CLUL1: variants seen among roughly 807,000 people sequenced by gnomAD.
CLUL1 encodes clusterin-like protein 1.
Under a neutral mutation model 49.4 loss-of-function variants are expected in CLUL1, and 43 were observed. The ratio of observed to expected loss-of-function variants is 0.87; its 90% CI spans 0.68 to 1.12. The LOEUF (loss-of-function observed/expected upper bound fraction) is 1.12. Ranked by LOEUF, CLUL1 falls within the 50% of genes most tolerant of loss-of-function variation. The pLI, the probability that CLUL1 is intolerant of heterozygous loss-of-function variation, is 0.00. For synonymous variants in CLUL1, 192 were observed against 184.9 expected (o/e 1.04, Z -0.31); for missense variants, 486 against 544.4 (o/e 0.89, Z 1.07).
At chr18:630,190 C>G (rs1359857831) in intron 6 of CLUL1, among the ~76,000 whole-genome samples, 2 of 152,184 alleles carry the variant, frequency 1.3e-5, no homozygotes, top group African/African-American at 2.4e-5. Context: ...CTCACTGCAA[C>G]CTCCACCTCC....
At chr18:604,782 C>T (rs993204662) in intron 1 of CLUL1, among the ~76,000 whole-genome samples, 1 of 152,162 alleles carries the variant, frequency 6.6e-6, no homozygotes, top group Non-Finnish European at 1.5e-5. Context: ...AAGGAAAGCT[C>T]TCAGGAAAGA....
chr18:610,077 C>T (rs2073088302), intron 2 of CLUL1, among the ~76,000 whole-genome samples: 1 of 123,290 alleles, frequency 8.1e-6, no homozygotes, highest in Non-Finnish European at 1.8e-5. Flanking sequence ...CGATTCATTC[C>T]TCTATGTTAT....
In CLUL1 at chr18:611,886, G is replaced by C. The variant is rs530540241; in HGVS notation, c.-14+4787G>C. 7.2e-5 allele frequency among the ~76,000 whole-genome samples: 11 copies of C among 152,014 alleles called. No homozygotes were observed. In the South Asian group the frequency reaches 2.3e-3, roughly 32 times the overall value. On this transcript the variant is annotated intron_variant, in intron 2 of 9. Transcript: ENST00000692774. ...GGGGGTTCCTGGAGCATGAGCAAAG[G>C]CCTGTGCCAGCCAATGGCCCCCACT... is the stretch of plus-strand genomic sequence containing the variant.
Position 649,879 on chromosome 18 carries a change from CTT to C in CLUL1, c.1398-5_1398-4del, listed in dbSNP as rs34918478. ...TTATTAGTATTTTGATCATTGCTGC[CTT>C]TTTTTTTTTTTTTAAGGTAAGAAGA... On this transcript the variant is annotated splice_polypyrimidine_tract_variant and intron_variant, in intron 9 of 9. Transcript: ENST00000692774. The C allele has an allele frequency of 0.018, 19,969 of 1,108,758 alleles. No homozygotes were observed. Among genetic ancestry groups the C allele is most frequent in the South Asian group, 0.022 (1,512 of 67,706 alleles). The allele number at this position is 1,108,758 out of a possible 1,614,324, so 68.7% of individuals were successfully genotyped here.
intron 7 of CLUL1, among the ~76,000 whole-genome samples, chr18:639,201 CG>C (rs2074254555): frequency 6.6e-6 from 1 of 150,756 alleles, no homozygotes; most frequent in Non-Finnish European, 1.5e-5. Context: ...CCAAGGCAGG[CG>C]GATCACGAGG....
chr18:617,520 G>A (rs2143993993), intron 2 of CLUL1, among the ~76,000 whole-genome samples: 1 of 151,494 alleles, frequency 6.6e-6, no homozygotes, highest in South Asian at 2.1e-4. Flanking sequence ...ACTTGAACCT[G>A]GGAGGTGGAG....
Position 645,813 on chromosome 18 carries a change from ATATATATATATATATATATATAT to A in CLUL1, c.1397+717_1397+739del, listed in dbSNP as rs1598451117. 4.2e-4 allele frequency among the ~76,000 whole-genome samples: 24 copies of A among 57,062 alleles called. 2 individuals are homozygous for A. Among genetic ancestry groups the A allele is most frequent in the South Asian group, 2.2e-3 (3 of 1,370 alleles). The allele number at this position is 57,062 out of a possible 152,430, so 37.4% of individuals were successfully genotyped here. A position where few individuals can be genotyped will look rare whatever the true frequency, so the allele number is the denominator to read the frequency against. ...TGTTTAAAAAAAAAAAAAAAAAAATATATATATATATATATATATATATATATATATATATATATGTTAAACAT... is the reference window on the plus strand; with the variant it reads ...TGTTTAAAAAAAAAAAAAAAAAAATAATATATATATATATATGTTAAACAT... On this transcript the variant is annotated intron_variant, in intron 9 of 9. Transcript: ENST00000692774.
At chr18:639,540 C>T (rs566883097) in intron 7 of CLUL1, among the ~76,000 whole-genome samples, 1 of 150,936 alleles carries the variant, frequency 6.6e-6, no homozygotes, top group East Asian at 2.0e-4. Context: ...CCAAGGCGGG[C>T]AATCACTTAA....
At chr18:645,675 T>C (rs913627551) in intron 9 of CLUL1, among the ~76,000 whole-genome samples, 1 of 148,402 alleles carries the variant, frequency 6.7e-6, no homozygotes, top group Non-Finnish European at 1.5e-5. Context: ...GCGCCTGTAG[T>C]CCCAGCTACT....
At chr18:634,034 C>T (rs764232667) in intron 7 of CLUL1, among the ~76,000 whole-genome samples, 4 of 152,204 alleles carry the variant, frequency 2.6e-5, no homozygotes, top group Non-Finnish European at 5.9e-5. Context: ...GACAAAATCT[C>T]ATTCTCACAA....
intron 7 of CLUL1, among the ~76,000 whole-genome samples, chr18:637,535 C>A (rs955300954): frequency 6.6e-6 from 1 of 152,154 alleles, no homozygotes; most frequent in African/African-American, 2.4e-5. Flanking sequence ...GCCATGGACA[C>A]CTCTACCCCA....
chr18:622,834 G>A (rs487175), intron 4 of CLUL1, among the ~76,000 whole-genome samples: 146,444 of 152,260 alleles, frequency 0.96, 70,698 homozygotes, highest in East Asian at 1. Context: ...AGTAGATACT[G>A]TTATTCCTAT....
intron 6 of CLUL1, among the ~76,000 whole-genome samples, chr18:631,223 T>A (rs13381191): frequency 0.34 from 52,360 of 151,782 alleles, 9,397 homozygotes; most frequent in East Asian, 0.47. Context: ...CTCATATTTC[T>A]TTCCTACCTT....
At chr18:607,217 T>C in intron 2 of CLUL1, 118 bp downstream of exon 2, 2 of 637,908 alleles carry the variant, frequency 3.1e-6, no homozygotes, top group Non-Finnish European at 5.7e-6. Context: ...AACTTCTGCC[T>C]CCCAGATTTA....
chr18:624,328 G>T (rs963203202), intron 4 of CLUL1, among the ~76,000 whole-genome samples: 2 of 151,854 alleles, frequency 1.3e-5, no homozygotes, highest in Non-Finnish European at 2.9e-5. Context: ...GCCATCCTGC[G>T]TCTCGGCAAT....
rs180847920 is a variant in CLUL1, at chr18:639,202, G to A, written c.995-2125G>A. Among the ~76,000 whole-genome samples the A allele has an allele frequency of 6.2e-3, 903 of 146,456 alleles. 7 individuals carry two copies. Among genetic ancestry groups the A allele is most frequent in the African/African-American group, 0.022 (856 of 39,744 alleles). ...AGCATTTTGGGAGGCCAAGGCAGGC[G>A]GATCACGAGGTCAGGAGTTCGAGAC... On this transcript the variant is annotated intron_variant, in intron 7 of 9. Transcript: ENST00000692774.
chr18:641,328 C>T lies in CLUL1; in HGVS notation c.996C>T (p.Asp332=). The T allele has an allele frequency of 6.2e-7, 1 of 1,614,114 alleles. No homozygotes were observed. The highest frequency in any genetic ancestry group is 8.5e-7 in the Non-Finnish European group (1 of 1,179,968). The change falls in exon 8 of 10, where the codon GAC becomes GAT. Residue 332 remains aspartate, a splice_region_variant and synonymous_variant. Coordinates refer to ENST00000692774, the MANE Select transcript of CLUL1 (RefSeq NM_001393344.1). ...CCACATTACTTTCTTCTCTGCTAGA[C>T]TGTCCTGATGTACCTGCTCTGCACA... ...CQKCQAHLSE[D]CPDVPALHTE...
At chr18:626,703 C>A (rs1396494071) in intron 5 of CLUL1, among the ~76,000 whole-genome samples, 3 of 148,856 alleles carry the variant, frequency 2.0e-5, no homozygotes, top group Admixed American at 6.8e-5. Flanking sequence ...TACTAAAATA[C>A]AAAAAAAATT....
rs1247029347 is a variant in CLUL1 at position 607,078 on chromosome 18, C to T, written c.-35C>T. ...TTCAAGTGACCCTCCTACCTCAGCC[C>T]CATGAGGACCTGGGACTACAGGTAT... On this transcript the variant is annotated 5_prime_UTR_variant, in exon 2 of 10. Coordinates refer to ENST00000692774, the MANE Select transcript of CLUL1 (RefSeq NM_001393344.1). 1.0e-5 allele frequency: 7 copies of T among 701,836 alleles called. No individual in the cohort carries two copies. The highest frequency in any genetic ancestry group is 8.9e-5 in the South Asian group (6 of 67,538). 43.5% of individuals were successfully genotyped at this position (701,836 alleles called of 1,614,324 possible).
Sources: gnomAD v4.1 joint callset for allele counts (sites outside exome capture counted in the v4.1 genomes callset) on GRCh38, gnomAD v4.1.1 for gene constraint, MANE v1.5 for transcripts, NCBI Gene and HGNC (gene_info 2026-07-23, HGNC 2026-07-21) for gene names.